The following SGCZ variants were observed in gnomAD, a reference collection of about 807,000 sequenced individuals.
SGCZ encodes the protein sarcoglycan zeta.
In SGCZ, 40 loss-of-function variants were observed where a neutral mutation model predicts 41.3. That is an observed-to-expected ratio of 0.97 (90% confidence interval 0.75 to 1.26). The LOEUF is 1.26. SGCZ is among the 50% of genes most tolerant of loss of function. SGCZ has a pLI of 0.00. For synonymous variants in SGCZ, 206 were observed against 137.5 expected (o/e 1.50, Z -3.49); for missense variants, 552 against 369.8 (o/e 1.49, Z -4.04).
chr8:15,181,867 G>T (rs1800190124), intron 1 of SGCZ, among the ~76,000 whole-genome samples: 1 of 152,022 alleles, frequency 6.6e-6, no homozygotes, highest in South Asian at 2.1e-4. Context: ...GAGATTATTT[G>T]GGGAGGTGAA....
chr8:14,962,004 G>A (rs563774158), intron 1 of SGCZ, among the ~76,000 whole-genome samples: 71 of 152,066 alleles, frequency 4.7e-4, no homozygotes, highest in Non-Finnish European at 7.6e-4. Flanking sequence ...TTTATCATAT[G>A]TATCATTTTC....
intron 1 of SGCZ, among the ~76,000 whole-genome samples, chr8:14,789,571 A>G (rs1387039647): frequency 6.6e-6 from 1 of 152,178 alleles, no homozygotes; most frequent in Non-Finnish European, 1.5e-5. Context: ...TTCATGCTTT[A>G]GACCTTTCAT....
intron 2 of SGCZ, among the ~76,000 whole-genome samples, chr8:14,375,438 G>T (rs1554508507): frequency 6.6e-6 from 1 of 152,056 alleles, no homozygotes; most frequent in Admixed American, 6.6e-5. Flanking sequence ...TAGGAAGGTT[G>T]ACTAACTACC....
rs534891492 is a variant in SGCZ, at chr8:14,650,771, C to G, written c.40-95845G>C. On this transcript the variant is annotated intron_variant, in intron 1 of 7. Transcript: ENST00000382080. ...CAAAGAAAGCTGTTTGTGGTTTGAC[C>G]CCTACCTACTCCGGCTCGTTCATTA... Among the ~76,000 whole-genome samples the G allele has an allele frequency of 2.0e-5, 3 of 151,996 alleles. No homozygotes were observed. The South Asian group carries it at 6.2e-4, about 32-fold the overall frequency.
At chr8:15,141,423 A>C (rs1808316471) in intron 1 of SGCZ, among the ~76,000 whole-genome samples, 1 of 152,266 alleles carries the variant, frequency 6.6e-6, no homozygotes. Context: ...GGGAGCACAG[A>C]ATATCTAATT....
intron 1 of SGCZ, among the ~76,000 whole-genome samples, chr8:14,586,454 C>G (rs1805060568): frequency 6.6e-6 from 1 of 152,188 alleles, no homozygotes; most frequent in Non-Finnish European, 1.5e-5. Context: ...CTCAAGCAAT[C>G]TGCCCGCCTA....
intron 5 of SGCZ, among the ~76,000 whole-genome samples, chr8:14,133,707 C>A (rs1296035639): frequency 1.3e-5 from 2 of 151,966 alleles, no homozygotes; most frequent in Non-Finnish European, 2.9e-5. Context: ...AAACCTTTGA[C>A]TCTTTTTCTG....
intron 2 of SGCZ, among the ~76,000 whole-genome samples, chr8:14,491,746 C>G (rs1424672825): frequency 6.6e-6 from 1 of 152,110 alleles, no homozygotes; most frequent in African/African-American, 2.4e-5. Flanking sequence ...CACATGTAGG[C>G]TATAAATTGA....
intron 2 of SGCZ, among the ~76,000 whole-genome samples, chr8:14,418,935 T>C (rs758948223): frequency 3.3e-5 from 5 of 151,996 alleles, no homozygotes; most frequent in Non-Finnish European, 7.4e-5. Context: ...TTCATAACTG[T>C]AGGTTTCGAA....
chr8:14,195,194 T>C (rs1805228604), intron 4 of SGCZ, among the ~76,000 whole-genome samples: 1 of 152,064 alleles, frequency 6.6e-6, no homozygotes, highest in African/African-American at 2.4e-5. Flanking sequence ...ATTAAAAACA[T>C]GTATTATAAC....
intron 1 of SGCZ, among the ~76,000 whole-genome samples, chr8:15,232,566 C>G (rs1366103508): frequency 6.6e-6 from 1 of 151,366 alleles, no homozygotes; most frequent in Non-Finnish European, 1.5e-5. Flanking sequence ...CCTACTGTAA[C>G]TTGAATTTCA....
At chr8:14,629,774 G>A (rs1005402756) in intron 1 of SGCZ, among the ~76,000 whole-genome samples, 3 of 151,990 alleles carry the variant, frequency 2.0e-5, no homozygotes, top group African/African-American at 7.2e-5. Context: ...GTAACAATCT[G>A]GAAAATCATG....
intron 3 of SGCZ, among the ~76,000 whole-genome samples, chr8:14,266,470 A>G (rs1399339690): frequency 8.5e-5 from 13 of 152,150 alleles, no homozygotes; most frequent in Admixed American, 8.5e-4. Context: ...TTAAAAAAAT[A>G]CTGTGTAGGA....
chr8:15,019,702 C>A (rs1052093041), intron 1 of SGCZ, among the ~76,000 whole-genome samples: 3 of 151,624 alleles, frequency 2.0e-5, no homozygotes, highest in Admixed American at 2.0e-4. Flanking sequence ...TGTGATGCCA[C>A]AACTAAGTCA....
chr8:14,595,360 G>C (rs937014554), intron 1 of SGCZ, among the ~76,000 whole-genome samples: 3 of 151,038 alleles, frequency 2.0e-5, no homozygotes, highest in Non-Finnish European at 4.4e-5. Flanking sequence ...CTGTGTCTTT[G>C]TGTTTGTACT....
chr8:14,559,066 G>C (rs1490623117), intron 1 of SGCZ, among the ~76,000 whole-genome samples: 1 of 152,012 alleles, frequency 6.6e-6, no homozygotes, highest in African/African-American at 2.4e-5. Context: ...CTGAGAACTG[G>C]AACAAGATAA....
At chr8:14,486,535 C>T (rs147827403) in intron 2 of SGCZ, among the ~76,000 whole-genome samples, 128 of 152,314 alleles carry the variant, frequency 8.4e-4, no homozygotes, top group African/African-American at 2.7e-3. Flanking sequence ...TCATGGAGAA[C>T]TTAGGATTAA....
At chr8:14,187,806 T>C (rs948667634) in intron 4 of SGCZ, among the ~76,000 whole-genome samples, 1 of 152,010 alleles carries the variant, frequency 6.6e-6, no homozygotes, top group Non-Finnish European at 1.5e-5. Flanking sequence ...TTAAAGTTTA[T>C]TGAAAAACAA....
intron 2 of SGCZ, among the ~76,000 whole-genome samples, chr8:14,394,705 G>T (rs1293074144): frequency 6.6e-6 from 1 of 152,094 alleles, no homozygotes; most frequent in African/African-American, 2.4e-5. Context: ...AGATAAAGTG[G>T]AAATAATTGG....
Sources: allele counts gnomAD v4.1 joint callset (sites outside exome capture counted in the v4.1 genomes callset), GRCh38; gene constraint gnomAD v4.1.1; transcripts MANE v1.5; gene names NCBI Gene and HGNC (gene_info 2026-07-23, HGNC 2026-07-21).